The following LSP1 variants were observed in gnomAD, a reference collection of about 807,000 sequenced individuals.
LSP1 encodes lymphocyte specific protein 1, also known as lymphocyte-specific protein 1.
LSP1 carries 32 observed loss-of-function variants against 49.3 expected under a neutral mutation model. The ratio of observed to expected loss-of-function variants is 0.65; its 90% CI spans 0.49 to 0.87. The LOEUF (loss-of-function observed/expected upper bound fraction) is 0.87. Ranked by LOEUF, LSP1 falls within the 40% of genes least tolerant of loss-of-function variation. The pLI, the probability that LSP1 is intolerant of heterozygous loss-of-function variation, is 0.00. For synonymous variants in LSP1, 179 were observed against 178.8 expected (o/e 1.00, Z -0.01); for missense variants, 428 against 442.6 (o/e 0.97, Z 0.30).
In LSP1 at chr11:1,884,399, G is replaced by T; in HGVS notation, c.635+76G>T. ...AAGTGGGGGTTGAAGGGAGTCACAA[G>T]GTAGAGATCTGGAGACCGAGGGGGG... On this transcript the variant is annotated intron_variant, in intron 6 of 10. Coordinates refer to ENST00000311604, the MANE Select transcript of LSP1 (RefSeq NM_002339.3). This position sits in a 1 kb window ranked among gnomAD's most constrained non-coding sequence, Gnocchi z 4.1. The T allele has an allele frequency of 6.2e-7, 1 of 1,610,514 alleles. No homozygotes were observed. The highest frequency in any genetic ancestry group is 8.5e-7 in the Non-Finnish European group (1 of 1,176,882).
At position 1,866,846 on chromosome 11, in the gene LSP1, C is replaced by G. The variant is rs749589728; in HGVS notation, c.54-13241C>G. 4 of 1,547,096 alleles carry G rather than the reference C, an allele frequency of 2.6e-6. No individual in the cohort carries two copies. In the South Asian group the frequency reaches 4.8e-5, roughly 18 times the overall value. On this transcript the variant is annotated intron_variant, in intron 1 of 10. Coordinates refer to ENST00000311604, the MANE Select transcript of LSP1 (RefSeq NM_002339.3). ...CTGCCTGGCTGTGCGGTGGCTCACC[C>G]CCTTGTCACCAGGGGCTCGGCCATG...
chr11:1,883,066 G>A (rs1376491316), intron 3 of LSP1, among the ~76,000 whole-genome samples: 50 of 152,198 alleles, frequency 3.3e-4, no homozygotes, highest in Admixed American at 3.1e-3. Context: ...CGGGGACCCC[G>A]TCAGACCAAC....
At chr11:1,871,777 AG>A (rs1848021098) in intron 1 of LSP1, among the ~76,000 whole-genome samples, 4 of 93,780 alleles carry the variant, frequency 4.3e-5, no homozygotes, top group East Asian at 3.4e-4. Context: ...TAGTCACCCC[AG>A]CCCGTGCTGG....
chr11:1,856,214 A>G (rs1323469234), intron 1 of LSP1, among the ~76,000 whole-genome samples: 2 of 152,048 alleles, frequency 1.3e-5, no homozygotes, highest in Admixed American at 6.5e-5. Flanking sequence ...CCCTACCCCC[A>G]GTCTGTTCCC....
intron 1 of LSP1, among the ~76,000 whole-genome samples, chr11:1,855,797 G>A (rs1847473796): frequency 6.6e-6 from 1 of 152,192 alleles, no homozygotes; most frequent in African/African-American, 2.4e-5. Flanking sequence ...TGTGGCTCTG[G>A]GGGGACTCTC....
At chr11:1,875,725 G>C (rs114070728) in intron 1 of LSP1, among the ~76,000 whole-genome samples, 1 of 152,198 alleles carries the variant, frequency 6.6e-6, no homozygotes, top group Non-Finnish European at 1.5e-5. Flanking sequence ...TAGAGGCCCC[G>C]GGGGGGAGGC....
At chr11:1,863,993 A>C (rs895169305) in intron 1 of LSP1, among the ~76,000 whole-genome samples, 26 of 151,554 alleles carry the variant, frequency 1.7e-4, no homozygotes, top group African/African-American at 6.0e-4. Flanking sequence ...TGGAGGTGAC[A>C]ACAAGAGCAG....
intron 10 of LSP1, chr11:1,890,386 A>G (rs1354800722): frequency 4.2e-6 from 3 of 716,522 alleles, no homozygotes; most frequent in Non-Finnish European, 7.8e-6. Context: ...CTCACGGGGG[A>G]CAGGGAGGTG....
intron 1 of LSP1, among the ~76,000 whole-genome samples, chr11:1,872,506 AG>A (rs1848080843): frequency 7.8e-6 from 1 of 128,802 alleles, no homozygotes; most frequent in African/African-American, 3.1e-5. Flanking sequence ...TGTGGTGGGC[AG>A]GCCTGGGCTG....
chr11:1,866,848 C>G, intron 1 of LSP1: 1 of 1,547,110 alleles, frequency 6.5e-7, no homozygotes, highest in Non-Finnish European at 8.7e-7. Flanking sequence ...GGCTCACCCC[C>G]TTGTCACCAG....
chr11:1,855,385 G>A (rs1419808694), intron 1 of LSP1, among the ~76,000 whole-genome samples: 2 of 152,174 alleles, frequency 1.3e-5, no homozygotes. Context: ...CAGAGTGCCA[G>A]GTACGCCAGC....
At chr11:1,856,602 C>CT (rs1847495724) in intron 1 of LSP1, among the ~76,000 whole-genome samples, 2 of 152,246 alleles carry the variant, frequency 1.3e-5, no homozygotes, top group Admixed American at 1.3e-4. Context: ...ACCTGAGGGG[C>CT]TGCTCTGGCA....
chr11:1,858,724 C>T (rs1394400770), intron 1 of LSP1, among the ~76,000 whole-genome samples: 1 of 152,212 alleles, frequency 6.6e-6, no homozygotes, highest in African/African-American at 2.4e-5. Flanking sequence ...CGGCCCAGCC[C>T]CCATCCCCTC....
rs1565079557 is a variant in LSP1 at position 1,874,036 on chromosome 11, CA to C, written c.54-6050del. Among the ~76,000 whole-genome samples, 12 of 118,586 alleles carry C rather than the reference CA, an allele frequency of 1.0e-4. 1 individual carries two copies. The highest frequency in any genetic ancestry group is 5.2e-4 in the East Asian group (2 of 3,874). The allele number at this position is 118,586 out of a possible 152,430, so 77.8% of individuals were successfully genotyped here. A position where few individuals can be genotyped will look rare whatever the true frequency, so the allele number is the denominator to read the frequency against. On this transcript the variant is annotated intron_variant, in intron 1 of 10. Coordinates refer to ENST00000311604, the MANE Select transcript of LSP1 (RefSeq NM_002339.3). ...GAGGCCGGCAGAGGAGGGAGGCCGG[CA>C]GAGGAGGGAGGCTGGCAGAGCAGGG...
At chr11:1,874,110 A>G (rs1468265716) in intron 1 of LSP1, among the ~76,000 whole-genome samples, 22 of 10,986 alleles carry the variant, frequency 2.0e-3, no homozygotes, top group East Asian at 3.7e-3. Flanking sequence ...CCGGCAGAGG[A>G]GGGAGGCTGG....
At chr11:1,870,245 T>A (rs1300495783) in intron 1 of LSP1, 5 of 1,298,788 alleles carry the variant, frequency 3.8e-6, no homozygotes, top group Non-Finnish European at 4.1e-6. Flanking sequence ...TGGTCCTTCA[T>A]ACCCCATTTT....
chr11:1,855,781 C>T (rs1403476312), intron 1 of LSP1, among the ~76,000 whole-genome samples: 2 of 152,230 alleles, frequency 1.3e-5, no homozygotes, highest in East Asian at 3.9e-4. Flanking sequence ...TTTCACAGAG[C>T]TGCCTTGTGG....
chr11:1,871,300 C>A, intron 1 of LSP1: 1 of 986,224 alleles, frequency 1.0e-6, no homozygotes, highest in South Asian at 4.7e-5. Flanking sequence ...GGGCGGGGCC[C>A]TAACCTCCGA....
intron 1 of LSP1, chr11:1,869,201 G>A: frequency 4.6e-6 from 1 of 218,564 alleles, no homozygotes; most frequent in Non-Finnish European, 8.9e-6. Context: ...GGTTGGGGAG[G>A]TATTGGTGCG....
Sources: allele counts gnomAD v4.1 joint callset (sites outside exome capture counted in the v4.1 genomes callset), GRCh38; gene constraint gnomAD v4.1.1; non-coding constraint Gnocchi (gnomAD v3.1); transcripts MANE v1.5; gene names NCBI Gene and HGNC (gene_info 2026-07-23, HGNC 2026-07-21).